The following UGT1A8 variants were observed in gnomAD, a reference collection of about 807,000 sequenced individuals.
The protein encoded by UGT1A8 is UDP-glucuronosyltransferase 1A8.
UGT1A8 carries 39 observed loss-of-function variants against 45.3 expected under a neutral mutation model. The ratio of observed to expected loss-of-function variants is 0.86; its 90% CI spans 0.67 to 1.12. The LOEUF is 1.12. UGT1A8 is among the 50% of genes most tolerant of loss of function. The pLI is 0.00. For synonymous variants in UGT1A8, 275 were observed against 249.2 expected, an observed-to-expected ratio of 1.10 and a Z score of -0.97; for missense variants, 719 against 664.9, an observed-to-expected ratio of 1.08 and a Z score of -0.90.
In UGT1A8 at chr2:233,634,982, T is replaced by A. The variant is rs562624277; in HGVS notation, c.855+16420T>A. On this transcript the variant is annotated intron_variant, in intron 1 of 4. Coordinates refer to ENST00000373450, the MANE Select transcript of UGT1A8 (RefSeq NM_019076.5). ...ATTTAGTGCTTCCTTCAGGAGCTCT[T>A]GTAAGGCAGGCCTGGTGGTGACAAA... Among the ~76,000 whole-genome samples the A allele has an allele frequency of 3.3e-5, 5 of 150,254 alleles. No individual in the cohort carries two copies. The East Asian group carries it at 9.7e-4, about 29-fold the overall frequency.
intron 1 of UGT1A8, among the ~76,000 whole-genome samples, chr2:233,701,187 C>G (rs973108286): frequency 6.6e-6 from 1 of 152,116 alleles, no homozygotes; most frequent in Admixed American, 6.5e-5. Context: ...CATACATGTG[C>G]ATGTGTCTTT....
At chr2:233,662,172 GTGTT>G (rs2073984206) in intron 1 of UGT1A8, among the ~76,000 whole-genome samples, 1 of 152,132 alleles carries the variant, frequency 6.6e-6, no homozygotes, top group Admixed American at 6.5e-5. Flanking sequence ...TAGTCTGTAA[GTGTT>G]TGTGTGCATA....
intron 1 of UGT1A8, among the ~76,000 whole-genome samples, chr2:233,638,930 C>T (rs2073375837): frequency 6.6e-6 from 1 of 152,198 alleles, no homozygotes; most frequent in Non-Finnish European, 1.5e-5. Flanking sequence ...AGAGGTTGGA[C>T]TTATCAAAGC....
At chr2:233,667,045 A>G (rs1412589792) in intron 1 of UGT1A8, among the ~76,000 whole-genome samples, 4 of 152,052 alleles carry the variant, frequency 2.6e-5, no homozygotes, top group Non-Finnish European at 4.4e-5. Flanking sequence ...AATCCAGTCT[A>G]TCATTGTTGG....
intron 1 of UGT1A8, chr2:233,743,758 G>A (rs761738753): frequency 1.5e-6 from 2 of 1,367,328 alleles, no homozygotes; most frequent in South Asian, 2.3e-5. Context: ...ACAACACCTC[G>A]TAGGCCTCGG....
intron 1 of UGT1A8, among the ~76,000 whole-genome samples, chr2:233,749,150 C>G (rs1694128023): frequency 6.6e-6 from 1 of 151,782 alleles, no homozygotes; most frequent in Non-Finnish European, 1.5e-5. Flanking sequence ...ACTTCCATGA[C>G]TTGATCCTTT....
intron 1 of UGT1A8, among the ~76,000 whole-genome samples, chr2:233,718,542 G>C (rs2076661859): frequency 6.6e-6 from 1 of 152,234 alleles, no homozygotes. Flanking sequence ...GTTGGGAATT[G>C]AATGAGAAAG....
At chr2:233,640,424 G>A (rs977105444) in intron 1 of UGT1A8, among the ~76,000 whole-genome samples, 1 of 151,636 alleles carries the variant, frequency 6.6e-6, no homozygotes, top group African/African-American at 2.4e-5. Flanking sequence ...TTTGTTACAC[G>A]GCCACAATAT....
Position 233,648,046 on chromosome 2 carries a change from A to G in UGT1A8, c.855+29484A>G. On this transcript the variant is annotated intron_variant, in intron 1 of 4. Coordinates refer to ENST00000373450, the MANE Select transcript of UGT1A8 (RefSeq NM_019076.5). Reference sequence around the variant, plus strand: ...GAGTTGGCAACTGGGAAGATCACTGAATTGCACAGTGAAGACTTCTTCAAC... The same window carrying G: ...GAGTTGGCAACTGGGAAGATCACTGGATTGCACAGTGAAGACTTCTTCAAC... 3 of 1,588,874 alleles carry G rather than the reference A, an allele frequency of 1.9e-6. No homozygotes were observed. The South Asian group carries it at 3.5e-5, about 18-fold the overall frequency.
At chr2:233,717,703 G>A in intron 1 of UGT1A8, 1 of 450,788 alleles carries the variant, frequency 2.2e-6, no homozygotes. Context: ...TCTGGAGCAG[G>A]ACGAGCCTCA....
At chr2:233,658,285 C>T (rs1474352250) in intron 1 of UGT1A8, among the ~76,000 whole-genome samples, 1 of 152,176 alleles carries the variant, frequency 6.6e-6, no homozygotes, top group African/African-American at 2.4e-5. Context: ...TCCCAAAGTG[C>T]TGGGATTACA....
intron 1 of UGT1A8, among the ~76,000 whole-genome samples, chr2:233,735,045 C>G (rs2078601106): frequency 6.6e-6 from 1 of 152,170 alleles, no homozygotes; most frequent in Non-Finnish European, 1.5e-5. Flanking sequence ...TGGTGCAGAG[C>G]TGAGTTCAGG....
At chr2:233,663,607 A>G (rs968166157) in intron 1 of UGT1A8, among the ~76,000 whole-genome samples, 6 of 152,126 alleles carry the variant, frequency 3.9e-5, no homozygotes, top group Admixed American at 1.3e-4. Flanking sequence ...ATAATTTCTA[A>G]TCTTGTGGCT....
intron 1 of UGT1A8, among the ~76,000 whole-genome samples, chr2:233,660,790 T>A (rs1197605089): frequency 1.3e-5 from 2 of 152,146 alleles, no homozygotes; most frequent in Non-Finnish European, 2.9e-5. Flanking sequence ...AAAAACTGGC[T>A]CAGGCAGATA....
chr2:233,743,289 C>T (rs1692256126), intron 1 of UGT1A8: 3 of 525,668 alleles, frequency 5.7e-6, no homozygotes, highest in Non-Finnish European at 9.9e-6. Flanking sequence ...CTTGGCCATT[C>T]TCAATGATTC....
chr2:233,645,045 T>A (rs2073563162), intron 1 of UGT1A8, among the ~76,000 whole-genome samples: 1 of 152,168 alleles, frequency 6.6e-6, no homozygotes. Context: ...CTTTGACACC[T>A]TTAGGGTTCT....
At chr2:233,657,735 T>G (rs1460593696) in intron 1 of UGT1A8, among the ~76,000 whole-genome samples, 1 of 152,246 alleles carries the variant, frequency 6.6e-6, no homozygotes, top group Non-Finnish European at 1.5e-5. Context: ...AATTTTAATT[T>G]GATTTTCCTA....
intron 1 of UGT1A8, among the ~76,000 whole-genome samples, chr2:233,634,279 T>C (rs1469082081): frequency 6.6e-6 from 1 of 152,226 alleles, no homozygotes; most frequent in Non-Finnish European, 1.5e-5. Flanking sequence ...GAAGAATATA[T>C]ATTCTGTTGA....
chr2:233,707,397 T>C (rs911448134), intron 1 of UGT1A8, among the ~76,000 whole-genome samples: 1 of 152,214 alleles, frequency 6.6e-6, no homozygotes, highest in Non-Finnish European at 1.5e-5. Context: ...CTATTCTTTT[T>C]GATGTTCTCT....
Sources: gnomAD v4.1 joint callset for allele counts (sites outside exome capture counted in the v4.1 genomes callset) on GRCh38, gnomAD v4.1.1 for gene constraint, MANE v1.5 for transcripts, NCBI Gene and HGNC (gene_info 2026-07-23, HGNC 2026-07-21) for gene names.